Variants in DSCAML1 observed in about 807,000 individuals in gnomAD.
The protein encoded by DSCAML1 is cell adhesion molecule DSCAML1.
In DSCAML1, 38 loss-of-function variants were observed where a neutral mutation model predicts 200.5. The observed-to-expected ratio is 0.19, with a 90% CI of 0.15 to 0.25. DSCAML1 has a LOEUF of 0.25. Ranked by LOEUF, DSCAML1 falls within the 10% of genes least tolerant of loss-of-function variation. The probability of loss-of-function intolerance (pLI) is 1.00; values close to 1 mark genes in which losing one functional copy is unlikely to be tolerated. For synonymous variants in DSCAML1, 1,215 were observed against 1,165.0 expected (o/e 1.04, Z -0.87); for missense variants, 2,223 against 2,858.8 (o/e 0.78, Z 5.07).
At chr11:117,746,080 G>C (rs2054512908) in intron 3 of DSCAML1, among the ~76,000 whole-genome samples, 1 of 151,722 alleles carries the variant, frequency 6.6e-6, no homozygotes, top group Non-Finnish European at 1.5e-5. Context: ...AAATTAGCCA[G>C]GTGTGGTGGC....
intron 17 of DSCAML1, among the ~76,000 whole-genome samples, chr11:117,464,348 G>A (rs1419825109): frequency 6.6e-6 from 1 of 152,140 alleles, no homozygotes; most frequent in East Asian, 1.9e-4. Context: ...CATCTTCTCT[G>A]TGCTTGGAGT....
intron 27 of DSCAML1, 32 bp downstream of exon 27, chr11:117,435,612 C>G: frequency 1.9e-6 from 3 of 1,564,698 alleles, no homozygotes; most frequent in Non-Finnish European, 2.6e-6. Context: ...GCCAACACCC[C>G]CTCCTGGAAG....
rs756223492 is a variant in DSCAML1, at chr11:117,437,243, G to A, written c.4599C>T (p.Ser1533=). Residue 1533 remains serine (S), a synonymous_variant, in exon 26 of 33, where the codon TCC becomes TCT. Coordinates refer to ENST00000651296, the MANE Select transcript of DSCAML1 (RefSeq NM_020693.4). The surrounding 1 kb of genome is among the most constrained non-coding windows in gnomAD (Gnocchi z 5.3). ...GCAGTTCCGTCAGAAACACCTCCCC[G>A]GAGCTGTTGGCCCGGAGGCCCTGCC... ...WAWQGLRANS[S]GEVFLTELRE... The A allele has an allele frequency of 1.2e-5, 20 of 1,614,086 alleles. No homozygotes were observed. Among genetic ancestry groups the A allele is most frequent in the East Asian group, 1.1e-4 (5 of 44,888 alleles).
intron 15 of DSCAML1, among the ~76,000 whole-genome samples, chr11:117,470,443 C>T (rs979542112): frequency 3.3e-5 from 5 of 152,106 alleles, no homozygotes; most frequent in African/African-American, 4.8e-5. Context: ...GGCGAGGTGG[C>T]GGGCGCCTGT....
intron 1 of DSCAML1, among the ~76,000 whole-genome samples, chr11:117,796,414 G>C (rs556428103): frequency 6.6e-6 from 1 of 152,354 alleles, no homozygotes; most frequent in South Asian, 2.1e-4. Flanking sequence ...GGGTAGGGCC[G>C]GGGGAGGGTG....
chr11:117,458,290 C>T (rs2048412691), intron 19 of DSCAML1, among the ~76,000 whole-genome samples: 2 of 152,202 alleles, frequency 1.3e-5, no homozygotes, highest in Non-Finnish European at 2.9e-5. Context: ...TGGAGGCACA[C>T]CCCCATCCCT....
intron 14 of DSCAML1, among the ~76,000 whole-genome samples, chr11:117,479,932 G>C (rs1005187665): frequency 6.6e-6 from 1 of 152,184 alleles, no homozygotes; most frequent in African/African-American, 2.4e-5. Flanking sequence ...ACAGGTATGA[G>C]CCACTGCGCC....
In DSCAML1 at chr11:117,568,125, A is replaced by C. The variant is rs948804968; in HGVS notation, c.512-35603T>G. On this transcript the variant is annotated intron_variant, in intron 3 of 32. Coordinates refer to ENST00000651296, the MANE Select transcript of DSCAML1 (RefSeq NM_020693.4). ...TAAACAGAACCAAAGACAAAAACCA[A>C]ATGATTATCTCAATAAATGCAGAAA... Among the ~76,000 whole-genome samples, 53 of 152,346 alleles carry C rather than the reference A, an allele frequency of 3.5e-4. 1 individual carries two copies. The highest frequency in any genetic ancestry group is 6.2e-4 in the Non-Finnish European group (42 of 68,038).
chr11:117,746,051 A>G (rs972345830), intron 3 of DSCAML1, among the ~76,000 whole-genome samples: 4 of 138,710 alleles, frequency 2.9e-5, no homozygotes, highest in Non-Finnish European at 4.7e-5. Flanking sequence ...TGTCTCTACT[A>G]AAAAAAAAAA....
intron 3 of DSCAML1, among the ~76,000 whole-genome samples, chr11:117,583,530 G>A (rs1384118185): frequency 2.0e-5 from 3 of 152,232 alleles, no homozygotes; most frequent in Admixed American, 6.5e-5. Flanking sequence ...TGATTAGCCC[G>A]GCCTACGCGG....
chr11:117,729,938 C>T (rs373593570), intron 3 of DSCAML1, among the ~76,000 whole-genome samples: 38 of 152,346 alleles, frequency 2.5e-4, no homozygotes, highest in East Asian at 2.3e-3. Flanking sequence ...CAGTGGCTCA[C>T]GCCTGTAATC....
intron 11 of DSCAML1, among the ~76,000 whole-genome samples, chr11:117,490,960 C>A (rs2049170826): frequency 1.3e-5 from 2 of 152,316 alleles, no homozygotes; most frequent in South Asian, 4.1e-4. Context: ...TGAGTCTGGC[C>A]TTCCCTGTCT....
intron 3 of DSCAML1, among the ~76,000 whole-genome samples, chr11:117,690,454 C>T (rs1162786564): frequency 6.6e-6 from 1 of 152,282 alleles, no homozygotes; most frequent in Non-Finnish European, 1.5e-5. Flanking sequence ...ACGGGCCTTT[C>T]AACATCAGTC....
At chr11:117,636,168 T>C (rs966800202) in intron 3 of DSCAML1, among the ~76,000 whole-genome samples, 1 of 151,896 alleles carries the variant, frequency 6.6e-6, no homozygotes, top group Non-Finnish European at 1.5e-5. Context: ...ATGATGGGAG[T>C]TCTTATCTGA....
intron 3 of DSCAML1, among the ~76,000 whole-genome samples, chr11:117,608,784 A>G (rs1394964692): frequency 1.3e-5 from 2 of 152,214 alleles, no homozygotes; most frequent in Non-Finnish European, 2.9e-5. Context: ...CTCTTTGTTG[A>G]CACACATCAC....
intron 21 of DSCAML1, among the ~76,000 whole-genome samples, chr11:117,442,223 AGTGT>A (rs72384866): frequency 9.4e-5 from 14 of 148,812 alleles, no homozygotes; most frequent in South Asian, 4.3e-4. Context: ...TAGTGTGTCT[AGTGT>A]GTGTGTGCGT....
rs185612267 is a variant in DSCAML1, at chr11:117,724,977, A to G, written c.511+51814T>C. On this transcript the variant is annotated intron_variant, in intron 3 of 32. Transcript: ENST00000651296. ...TGGAAGGAAATGGGAGGGCAGAGGG[A>G]ATGCATAAATTCTCTGGACACCCCC... Among the ~76,000 whole-genome samples the G allele has an allele frequency of 2.6e-5, 4 of 152,268 alleles. 1 individual carries two copies. The highest frequency in any genetic ancestry group is 9.6e-5 in the African/African-American group (4 of 41,556).
At chr11:117,717,769 T>TG (rs1342900555) in intron 3 of DSCAML1, among the ~76,000 whole-genome samples, 2 of 152,184 alleles carry the variant, frequency 1.3e-5, no homozygotes, top group Non-Finnish European at 2.9e-5. Flanking sequence ...GAGGCACATC[T>TG]GGGGGGTTGC....
intron 3 of DSCAML1, among the ~76,000 whole-genome samples, chr11:117,775,734 G>C (rs2055119024): frequency 1.3e-5 from 2 of 152,110 alleles, no homozygotes; most frequent in African/African-American, 4.8e-5. Flanking sequence ...TAATTCAGTT[G>C]ATTTGGGGCT....
Sources: gnomAD v4.1 joint callset for allele counts (sites outside exome capture counted in the v4.1 genomes callset) on GRCh38, gnomAD v4.1.1 for gene constraint, Gnocchi (gnomAD v3.1) non-coding constraint, MANE v1.5 for transcripts, NCBI Gene and HGNC (gene_info 2026-07-23, HGNC 2026-07-21) for gene names.